The following FBN2 variants were observed in gnomAD, a reference collection of about 807,000 sequenced individuals.
FBN2 encodes the protein fibrillin-2.
Under a neutral mutation model 355.6 loss-of-function variants are expected in FBN2, and 105 were observed. That is an observed-to-expected ratio of 0.30 (90% CI 0.25 to 0.35). FBN2 has a LOEUF of 0.35. FBN2 is among the 10% of genes least tolerant of loss of function. The pLI is 1.00. For missense variants in FBN2, 3,280 were observed against 3,758.7 expected, an observed-to-expected ratio of 0.87 and a Z score of 3.33; for synonymous variants, 1,350 against 1,301.2, an observed-to-expected ratio of 1.04 and a Z score of -0.81.
rs754092275 is a variant in FBN2, at chr5:128,537,639, G to A, written c.-36C>T. On this transcript the variant is annotated 5_prime_UTR_variant, in exon 1 of 65. Coordinates refer to ENST00000262464, the MANE Select transcript of FBN2 (RefSeq NM_001999.4). ...GAAAGCGCGCGGCCGTAGACCCGCG[G>A]AGAGGGAGTGATCAAAGACAAAATC... The A allele has an allele frequency of 1.3e-6, 2 of 1,589,444 alleles. No individual in the cohort carries two copies. The highest frequency in any genetic ancestry group is 1.3e-5 in the African/African-American group (1 of 74,512).
At position 128,369,286 on chromosome 5, in the gene FBN2, C is replaced by A; in HGVS notation, c.2144G>T (p.Cys715Phe). ...TCYGGIKKGV[C>F]VRPFPGAVTK... The stretch of plus-strand genomic sequence containing the variant: ...CACTGCACCGGGGAAAGGACGCACA[C>A]ACACTCCTTTCTTGATTCCTCCATA... Residue 715 changes from cysteine (C) to phenylalanine (F), a missense_variant, in exon 16 of 65, where the codon TGT (cysteine) becomes TTT (phenylalanine). Coordinates refer to ENST00000262464, the MANE Select transcript of FBN2 (RefSeq NM_001999.4). 1 of 1,614,002 alleles carries A rather than the reference C, an allele frequency of 6.2e-7. No individual in the cohort carries two copies.
chr5:128,394,222 A>G (rs749616041), intron 9 of FBN2, among the ~76,000 whole-genome samples: 1 of 152,188 alleles, frequency 6.6e-6, no homozygotes, highest in Non-Finnish European at 1.5e-5. Context: ...TTTTAATTCA[A>G]TGAGAAAATG....
chr5:128,466,339 T>G (rs146097536), intron 5 of FBN2, among the ~76,000 whole-genome samples: 2 of 152,354 alleles, frequency 1.3e-5, no homozygotes, highest in Non-Finnish European at 2.9e-5. Flanking sequence ...ATGATATTAT[T>G]CTACTCCAAG....
chr5:128,417,472 T>A (rs919053272), intron 7 of FBN2, among the ~76,000 whole-genome samples: 1 of 152,212 alleles, frequency 6.6e-6, no homozygotes, highest in Non-Finnish European at 1.5e-5. Flanking sequence ...TTCAGTATGG[T>A]GTCAGCTGTG....
intron 4 of FBN2, among the ~76,000 whole-genome samples, chr5:128,521,134 A>G (rs1372339835): frequency 6.6e-6 from 1 of 152,204 alleles, no homozygotes; most frequent in East Asian, 1.9e-4. Flanking sequence ...CATCAATGAT[A>G]GACTGGATAA....
chr5:128,350,791 T>C, intron 21 of FBN2, 77 bp downstream of exon 21: 1 of 1,519,078 alleles, frequency 6.6e-7, no homozygotes, highest in Non-Finnish European at 9.1e-7. Context: ...ACTAAGGAAC[T>C]GCGTAGTGAA....
At chr5:128,426,939 T>C (rs527632230) in intron 7 of FBN2, among the ~76,000 whole-genome samples, 26 of 152,210 alleles carry the variant, frequency 1.7e-4, no homozygotes, top group Non-Finnish European at 3.1e-4. Flanking sequence ...GCTCAGCACT[T>C]GGACTTCTCT....
chr5:128,446,762 T>C (rs1754076397), intron 6 of FBN2, among the ~76,000 whole-genome samples, 156 bp from the exon 7 acceptor site: 2 of 152,242 alleles, frequency 1.3e-5, no homozygotes, highest in Admixed American at 1.3e-4. Context: ...TGTATGCATA[T>C]GTTTTAATTT....
Position 128,310,386 on chromosome 5 carries a change from ATATATATATATATATAT to A in FBN2, c.5075-295_5075-279del, listed in dbSNP as rs1474591719. 2.6e-3 allele frequency among the ~76,000 whole-genome samples: 81 copies of A among 31,448 alleles called. 2 individuals carry two copies. The highest frequency in any genetic ancestry group is 0.015 in the African/African-American group (74 of 5,024). 20.6% of individuals were successfully genotyped at this position (31,448 alleles called of 152,430 possible). A position where few individuals can be genotyped will look rare whatever the true frequency, so the allele number is the denominator to read the frequency against. ...GGCACATATATATATATATATATAT[ATATATATATATATATAT>A]TTTTTTTTTTTTTTTTTTATTGCAA... On this transcript the variant is annotated intron_variant, in intron 39 of 64. Coordinates refer to ENST00000262464, the MANE Select transcript of FBN2 (RefSeq NM_001999.4).
chr5:128,378,163 T>C (rs143936202), intron 12 of FBN2, among the ~76,000 whole-genome samples: 1 of 151,750 alleles, frequency 6.6e-6, no homozygotes, highest in East Asian at 1.9e-4. Context: ...GTTTTTCACA[T>C]AGTGGATGAA....
chr5:128,513,004 A>G (rs183592636), intron 5 of FBN2, among the ~76,000 whole-genome samples: 16 of 152,346 alleles, frequency 1.1e-4, no homozygotes, highest in African/African-American at 3.8e-4. Flanking sequence ...TTCTAAAGTT[A>G]CATAGGTTTT....
At chr5:128,435,625 C>A (rs928041835) in intron 7 of FBN2, among the ~76,000 whole-genome samples, 1 of 152,180 alleles carries the variant, frequency 6.6e-6, no homozygotes, top group Non-Finnish European at 1.5e-5. Context: ...CACAGATGGA[C>A]ATTTGGGTCC....
chr5:128,472,830 G>A (rs1039069675), intron 5 of FBN2, among the ~76,000 whole-genome samples: 5 of 151,760 alleles, frequency 3.3e-5, no homozygotes, highest in African/African-American at 1.2e-4. Context: ...CAAATTTTAT[G>A]CAATGTGTGT....
At chr5:128,315,617 A>G (rs1750180138) in intron 36 of FBN2, among the ~76,000 whole-genome samples, 1 of 152,236 alleles carries the variant, frequency 6.6e-6, no homozygotes, top group South Asian at 2.1e-4. Flanking sequence ...CAATCTAATG[A>G]CTGTATTTCT....
At chr5:128,453,997 C>A (rs560853318) in intron 6 of FBN2, among the ~76,000 whole-genome samples, 7 of 151,428 alleles carry the variant, frequency 4.6e-5, no homozygotes, top group East Asian at 2.0e-4. Context: ...CTTGCCCCCC[C>A]CCCAAGTTTC....
At chr5:128,386,112 A>G (rs1752359571) in intron 11 of FBN2, among the ~76,000 whole-genome samples, 1 of 152,146 alleles carries the variant, frequency 6.6e-6, no homozygotes, top group South Asian at 2.1e-4. Flanking sequence ...TATGTCCAAA[A>G]TGGCATTTCC....
At chr5:128,488,815 A>G (rs1175927285) in intron 5 of FBN2, among the ~76,000 whole-genome samples, 1 of 151,742 alleles carries the variant, frequency 6.6e-6, no homozygotes, top group Non-Finnish European at 1.5e-5. Flanking sequence ...CCATGTCCCT[A>G]CAAAGGACAT....
chr5:128,305,545 C>G lies in FBN2; in HGVS notation c.5640G>C (p.Ala1880=). ...CCCCATTGGGTGAAAGTTTGAAACC[C>G]GCGGCACATTCACAGCGGTAACTAC... ...SPGSYRCECA[A]GFKLSPNGAC... is the part of the protein sequence containing the mutation. The change falls in exon 44 of 65, where the codon GCG becomes GCC. Residue 1880 remains alanine, a synonymous_variant. Transcript: ENST00000262464. 6.2e-7 allele frequency: 1 copy of G among 1,614,004 alleles called. No individual in the cohort carries two copies. Among genetic ancestry groups the G allele is most frequent in the Non-Finnish European group, 8.5e-7 (1 of 1,179,958 alleles).
chr5:128,262,952 CCT>C (rs942835056), intron 63 of FBN2, among the ~76,000 whole-genome samples: 10 of 152,186 alleles, frequency 6.6e-5, no homozygotes, highest in African/African-American at 2.4e-4. Context: ...TAGGCACCAT[CCT>C]CTCTCTGTGC....
Sources: allele counts gnomAD v4.1 joint callset (sites outside exome capture counted in the v4.1 genomes callset), GRCh38; gene constraint gnomAD v4.1.1; transcripts MANE v1.5; gene names NCBI Gene and HGNC (gene_info 2026-07-23, HGNC 2026-07-21).